SUPT3H: variants seen among roughly 807,000 people sequenced by gnomAD.
The protein encoded by SUPT3H is transcription initiation protein SPT3 homolog.
Under a neutral mutation model 44.3 loss-of-function variants are expected in SUPT3H, and 44 were observed. That is an observed-to-expected ratio of 0.99 (90% CI 0.78 to 1.28). The LOEUF (loss-of-function observed/expected upper bound fraction) is 1.28, where lower values mean the gene tolerates loss of function less well. SUPT3H is among the 50% of genes most tolerant of loss of function. The pLI is 0.00. For synonymous variants in SUPT3H, 124 were observed against 125.6 expected (o/e 0.99, Z 0.09); for missense variants, 380 against 387.1 (o/e 0.98, Z 0.15).
At chr6:44,926,159 G>A (rs1336140083) in intron 10 of SUPT3H, among the ~76,000 whole-genome samples, 5 of 151,888 alleles carry the variant, frequency 3.3e-5, no homozygotes, top group Non-Finnish European at 7.4e-5. Context: ...TAATTGATTG[G>A]CATATTTTGA....
intron 3 of SUPT3H, among the ~76,000 whole-genome samples, chr6:45,079,805 G>T (rs1005925063): frequency 7.9e-5 from 12 of 152,108 alleles, no homozygotes; most frequent in African/African-American, 2.9e-4. Context: ...AAGTCAAAAT[G>T]GATTAAAGAC....
intron 6 of SUPT3H, among the ~76,000 whole-genome samples, chr6:44,973,893 G>A (rs1562173432): frequency 2.0e-5 from 3 of 152,138 alleles, no homozygotes; most frequent in Non-Finnish European, 4.4e-5. Context: ...ACAGCATGGA[G>A]GTAACAGCCC....
chr6:45,088,058 G>T (rs189317427), intron 3 of SUPT3H, among the ~76,000 whole-genome samples: 1 of 152,084 alleles, frequency 6.6e-6, no homozygotes, highest in East Asian at 1.9e-4. Context: ...TAAAATTAAT[G>T]GAAAAGCTTC....
intron 2 of SUPT3H, among the ~76,000 whole-genome samples, chr6:45,326,862 C>G (rs1462148306): frequency 6.6e-6 from 1 of 151,828 alleles, no homozygotes; most frequent in East Asian, 1.9e-4. Context: ...TCACTGTCTC[C>G]GCCCACCCCA....
rs1207241670 is a variant in SUPT3H at position 44,893,670 on chromosome 6, C to A, written c.912+38983G>T. 3.3e-5 allele frequency among the ~76,000 whole-genome samples: 5 copies of A among 149,874 alleles called. No individual in the cohort carries two copies. In the Admixed American group the frequency reaches 3.3e-4, roughly 10 times the overall value. On this transcript the variant is annotated intron_variant, in intron 10 of 10. Coordinates refer to ENST00000371459, the MANE Select transcript of SUPT3H (RefSeq NM_003599.4). ...AAGTCTTTGCTATTGTGAATAATGC[C>A]GCAATAAACATATGTGTGCATGTGT...
At chr6:45,377,356 C>G (rs1796940793) in intron 1 of SUPT3H, 1 of 152,236 alleles carries the variant, frequency 6.6e-6, no homozygotes, top group Admixed American at 6.5e-5. Flanking sequence ...GGATGCTACA[C>G]TCCCACTAAC....
At chr6:45,185,954 G>A (rs1391858920) in intron 2 of SUPT3H, among the ~76,000 whole-genome samples, 1 of 152,182 alleles carries the variant, frequency 6.6e-6, no homozygotes, top group Non-Finnish European at 1.5e-5. Flanking sequence ...GGAATGCAGA[G>A]CTGGTGGGCA....
chr6:44,949,135 C>T (rs1275186662), intron 9 of SUPT3H, among the ~76,000 whole-genome samples: 1 of 151,902 alleles, frequency 6.6e-6, no homozygotes, highest in African/African-American at 2.4e-5. Flanking sequence ...CAAACTAACG[C>T]AAGGACAGAA....
At chr6:44,893,951 T>G (rs1763711745) in intron 10 of SUPT3H, among the ~76,000 whole-genome samples, 1 of 142,054 alleles carries the variant, frequency 7.0e-6, no homozygotes, top group African/African-American at 2.5e-5. Context: ...GTGGTTTTGA[T>G]TTGCATTTCT....
At chr6:45,059,870 T>A (rs932186273) in intron 3 of SUPT3H, among the ~76,000 whole-genome samples, 1 of 152,094 alleles carries the variant, frequency 6.6e-6, no homozygotes, top group South Asian at 2.1e-4. Context: ...ATAAAATACC[T>A]GGGAATATAG....
chr6:45,211,788 G>C (rs1764122976), intron 2 of SUPT3H, among the ~76,000 whole-genome samples: 1 of 151,916 alleles, frequency 6.6e-6, no homozygotes, highest in Admixed American at 6.6e-5. Flanking sequence ...GGCGGACGTT[G>C]CAGTAAACTG....
At chr6:45,110,336 G>T (rs1583591075) in intron 2 of SUPT3H, among the ~76,000 whole-genome samples, 1 of 152,256 alleles carries the variant, frequency 6.6e-6, no homozygotes, top group South Asian at 2.1e-4. Context: ...TACTTATACT[G>T]GGATCCAGGA....
rs1053423534 is a variant in SUPT3H, at chr6:45,314,299, C to T, written c.101+50902G>A. Among the ~76,000 whole-genome samples the T allele has an allele frequency of 1.1e-4, 17 of 152,092 alleles. 1 individual carries two copies. Among genetic ancestry groups the T allele is most frequent in the Admixed American group, 9.8e-4 (15 of 15,258 alleles). ...TACTGGAAGTCTTAGCCAGAACAAT[C>T]CGACAAGAGAAAGAGATAAAGGGCA... On this transcript the variant is annotated intron_variant, in intron 2 of 10. Coordinates refer to ENST00000371459, the MANE Select transcript of SUPT3H (RefSeq NM_003599.4).
intron 2 of SUPT3H, among the ~76,000 whole-genome samples, chr6:45,350,497 T>C (rs1488933559): frequency 1.3e-5 from 2 of 152,194 alleles, no homozygotes; most frequent in Non-Finnish European, 2.9e-5. Flanking sequence ...GGTTTACATT[T>C]TGGCTCAAGC....
intron 6 of SUPT3H, among the ~76,000 whole-genome samples, chr6:44,988,030 T>C (rs552962763): frequency 6.6e-6 from 1 of 152,246 alleles, no homozygotes; most frequent in East Asian, 1.9e-4. Flanking sequence ...TGCTTATTTT[T>C]CTCCAGTTGT....
chr6:45,241,566 T>C (rs1001821669), intron 2 of SUPT3H, among the ~76,000 whole-genome samples: 1 of 152,114 alleles, frequency 6.6e-6, no homozygotes, highest in African/African-American at 2.4e-5. Context: ...TGTGGGTAAA[T>C]CTCTGTTCGG....
Position 44,895,742 on chromosome 6 carries a change from A to G in SUPT3H, c.912+36911T>C, listed in dbSNP as rs527643392. On this transcript the variant is annotated intron_variant, in intron 10 of 10. Coordinates refer to ENST00000371459, the MANE Select transcript of SUPT3H (RefSeq NM_003599.4). ...CCCAGGGCAGAACCACAATTAGTGG[A>G]AAAGATTGGAGAATTGGAGAACAAA... is the stretch of plus-strand genomic sequence containing the variant. Among the ~76,000 whole-genome samples, 3 of 152,252 alleles carry G rather than the reference A, an allele frequency of 2.0e-5. No individual in the cohort carries two copies. The South Asian group carries it at 6.2e-4, about 32-fold the overall frequency.
intron 3 of SUPT3H, among the ~76,000 whole-genome samples, chr6:45,103,230 T>C: frequency 6.6e-6 from 1 of 152,204 alleles, no homozygotes; most frequent in East Asian, 1.9e-4. Context: ...TTCAATGTAA[T>C]ATTTAGTGGA....
At chr6:44,911,807 T>C (rs1767095876) in intron 10 of SUPT3H, among the ~76,000 whole-genome samples, 1 of 152,198 alleles carries the variant, frequency 6.6e-6, no homozygotes, top group African/African-American at 2.4e-5. Flanking sequence ...ACTGTGTTAA[T>C]TTGTGAGCAT....
Sources: allele counts gnomAD v4.1 joint callset (sites outside exome capture counted in the v4.1 genomes callset), GRCh38; gene constraint gnomAD v4.1.1; transcripts MANE v1.5; gene names NCBI Gene and HGNC (gene_info 2026-07-23, HGNC 2026-07-21).